KDM4A: variants seen among roughly 807,000 people sequenced by gnomAD.
KDM4A encodes lysine demethylase 4A, also known as lysine-specific demethylase 4A.
In KDM4A, 23 loss-of-function variants were observed where a neutral mutation model predicts 127.1. The observed-to-expected ratio is 0.18, with a 90% CI of 0.13 to 0.26. The LOEUF (loss-of-function observed/expected upper bound fraction) is 0.26, where lower values mean the gene tolerates loss of function less well. KDM4A is among the 10% of genes least tolerant of loss of function. KDM4A has a pLI of 1.00. For missense variants in KDM4A, 890 were observed against 1,329.1 expected, an observed-to-expected ratio of 0.67 and a Z score of 5.14; for synonymous variants, 443 against 466.5, an observed-to-expected ratio of 0.95 and a Z score of 0.65.
Position 43,682,774 on chromosome 1 carries a change from A to G in KDM4A, c.1735-910A>G, listed in dbSNP as rs1660887249. 2.6e-5 allele frequency among the ~76,000 whole-genome samples: 4 copies of G among 152,182 alleles called. 1 individual carries two copies. The highest frequency in any genetic ancestry group is 4.1e-4 in the South Asian group (2 of 4,832). On this transcript the variant is annotated intron_variant, in intron 11 of 21. Transcript: ENST00000372396. Reference sequence around the variant, plus strand: ...CTCCTGGGGCTCTGTGTAGTTGCACATGGAGTCTGTAGGCCCAGGGTGTGT... The same window carrying G: ...CTCCTGGGGCTCTGTGTAGTTGCACGTGGAGTCTGTAGGCCCAGGGTGTGT...
At chr1:43,679,818 C>A (rs1660819107) in intron 11 of KDM4A, among the ~76,000 whole-genome samples, 1 of 152,182 alleles carries the variant, frequency 6.6e-6, no homozygotes, top group Non-Finnish European at 1.5e-5. Context: ...CTATCAGGAA[C>A]ACTAACCTTG....
intron 6 of KDM4A, 126 bp from the exon 7 acceptor site, chr1:43,666,326 C>A (rs1196847425): frequency 1.4e-6 from 1 of 727,636 alleles, no homozygotes; most frequent in Non-Finnish European, 2.3e-6. Flanking sequence ...TATAAGGATC[C>A]TCAGAGGTCA....
intron 13 of KDM4A, among the ~76,000 whole-genome samples, chr1:43,689,505 T>C (rs1159689289): frequency 6.6e-6 from 1 of 152,230 alleles, no homozygotes; most frequent in Non-Finnish European, 1.5e-5. Flanking sequence ...TGTTTTTCCT[T>C]TCCCATTGCC....
chr1:43,703,109 A>AT (rs1661445439), intron 19 of KDM4A, among the ~76,000 whole-genome samples: 1 of 151,718 alleles, frequency 6.6e-6, no homozygotes, highest in Non-Finnish European at 1.5e-5. Context: ...CACCTGGCTA[A>AT]TTTTTTGCAT....
chr1:43,697,599 TAGCTAAATTTATGGGAAG>T (rs1181317881), intron 18 of KDM4A, among the ~76,000 whole-genome samples: 4 of 152,200 alleles, frequency 2.6e-5, no homozygotes, highest in African/African-American at 7.2e-5. Context: ...AGTTGTGGAC[TAGCTAAATTTATGGGAAG>T]AGCTAAATTT....
chr1:43,702,908 G>A (rs1440149388), intron 19 of KDM4A, among the ~76,000 whole-genome samples: 1 of 151,990 alleles, frequency 6.6e-6, no homozygotes, highest in Admixed American at 6.5e-5. Context: ...GCACGTGCCT[G>A]TTGTCCCAGC....
chr1:43,698,889 G>A (rs1160891717), intron 19 of KDM4A, among the ~76,000 whole-genome samples: 1 of 151,996 alleles, frequency 6.6e-6, no homozygotes, highest in African/African-American at 2.4e-5. Context: ...CCTGGATTGA[G>A]GTGATCATCC....
At chr1:43,696,811 G>A (rs911532176) in intron 18 of KDM4A, among the ~76,000 whole-genome samples, 8 of 152,226 alleles carry the variant, frequency 5.3e-5, no homozygotes, top group African/African-American at 1.7e-4. Context: ...GGGGACTGAT[G>A]AGTTAGTAGT....
rs1570883969 is a variant in KDM4A, at chr1:43,701,628, T to C, written c.2842-1989T>C. Among the ~76,000 whole-genome samples, 3 of 152,158 alleles carry C rather than the reference T, an allele frequency of 2.0e-5. 1 individual carries two copies. Among genetic ancestry groups the C allele is most frequent in the Non-Finnish European group, 2.9e-5 (2 of 68,028 alleles). On this transcript the variant is annotated intron_variant, in intron 19 of 21. Transcript: ENST00000372396. ...TCAGCCTTCCGAGTAACTGGGACTA[T>C]AGGCGTGTGCCATCACACCTGGATA...
At chr1:43,675,061 C>G (rs1660710542) in intron 11 of KDM4A, among the ~76,000 whole-genome samples, 1 of 152,182 alleles carries the variant, frequency 6.6e-6, no homozygotes, top group African/African-American at 2.4e-5. Context: ...GCTCAAAAAC[C>G]CTTGAGTGTC....
At chr1:43,665,629 G>T in intron 5 of KDM4A, 67 bp from the exon 6 acceptor site, 1 of 1,456,106 alleles carries the variant, frequency 6.9e-7, no homozygotes, top group Non-Finnish European at 9.6e-7. Context: ...TTTTGAGAGT[G>T]GGAATAAGTC....
chr1:43,703,521 T>C, intron 19 of KDM4A, 96 bp from the exon 20 acceptor site: 2 of 1,482,630 alleles, frequency 1.3e-6, no homozygotes, highest in Non-Finnish European at 1.8e-6. Context: ...CTAAAACAGT[T>C]ACTTTGTCCT....
rs1462901601 is a variant in KDM4A at position 43,694,092 on chromosome 1, G to A, written c.2474G>A (p.Arg825His). 4 of 1,612,742 alleles carry A rather than the reference G, an allele frequency of 2.5e-6. No individual in the cohort carries two copies. The highest frequency in any genetic ancestry group is 3.4e-6 in the Non-Finnish European group (4 of 1,178,852). Reference sequence around the variant, plus strand: ...GATGTGAGCAAAATCCCCCTGCCCCGCTTCAAACTGGTAAGGGCTTGTAGA... The same window carrying A: ...GATGTGAGCAAAATCCCCCTGCCCCACTTCAAACTGGTAAGGGCTTGTAGA... The part of the protein sequence containing the change: ...PVDVSKIPLP[R>H]FKLKCIFCKK... The change falls in exon 17 of 22, where the codon CGC (arginine) becomes CAC (histidine). Residue 825 changes from arginine (R) to histidine (H), a missense_variant. By Grantham distance (29) the Arg-to-His change is conservative (BLOSUM62 0). This residue lies in a region of KDM4A where 246 missense variants were observed against 418.4 expected (regional missense o/e 0.59). Coordinates refer to ENST00000372396, the MANE Select transcript of KDM4A (RefSeq NM_014663.3). The surrounding 1 kb of genome is among the most constrained non-coding windows in gnomAD (Gnocchi z 5.2).
intron 5 of KDM4A, among the ~76,000 whole-genome samples, chr1:43,663,935 A>G (rs761124029): frequency 3.3e-5 from 5 of 152,136 alleles, no homozygotes; most frequent in Non-Finnish European, 7.3e-5. Context: ...TACCCGGCCC[A>G]TCTCAGCATT....
intron 4 of KDM4A, 126 bp downstream of exon 4, chr1:43,660,538 C>G (rs1327443797): frequency 1.8e-5 from 24 of 1,357,370 alleles, no homozygotes; most frequent in African/African-American, 2.9e-5. Context: ...ATGATCTACC[C>G]CCAGCTGATG....
intron 4 of KDM4A, 57 bp downstream of exon 4, chr1:43,660,469 T>C (rs1244671599): frequency 1.3e-6 from 2 of 1,542,350 alleles, no homozygotes. Flanking sequence ...AATACCTTTT[T>C]TTCGGCCCGG....
chr1:43,698,820 ACT>A (rs1661308511), intron 19 of KDM4A, among the ~76,000 whole-genome samples: 1 of 152,058 alleles, frequency 6.6e-6, no homozygotes, highest in Non-Finnish European at 1.5e-5. Flanking sequence ...ACAGGGTTTC[ACT>A]CTGACGCCCA....
chr1:43,692,620 G>A (rs1661143234), intron 16 of KDM4A, among the ~76,000 whole-genome samples: 1 of 152,222 alleles, frequency 6.6e-6, no homozygotes, highest in South Asian at 2.1e-4. Context: ...TGTGTGGGCT[G>A]GAGTGAGGAC....
intron 11 of KDM4A, among the ~76,000 whole-genome samples, chr1:43,681,139 T>C (rs1485329269): frequency 6.6e-6 from 1 of 152,176 alleles, no homozygotes; most frequent in Admixed American, 6.6e-5. Context: ...CCGGAACTTA[T>C]CTCAAAAAAC....
Sources: gnomAD v4.1 joint callset for allele counts (sites outside exome capture counted in the v4.1 genomes callset) on GRCh38, gnomAD v4.1.1 for gene constraint, gnomAD v4.1.1 regional missense constraint, Gnocchi (gnomAD v3.1) non-coding constraint, MANE v1.5 for transcripts, NCBI Gene and HGNC (gene_info 2026-07-23, HGNC 2026-07-21) for gene names.